Variants in HTR1F observed in about 807,000 individuals in gnomAD.
HTR1F encodes the protein 5-hydroxytryptamine receptor 1F.
In HTR1F, 17 loss-of-function variants were observed where a neutral mutation model predicts 24.0. That is an observed-to-expected ratio of 0.71 (90% CI 0.48 to 1.06). The LOEUF is 1.06. HTR1F is among the 50% of genes least tolerant of loss of function. HTR1F has a pLI of 0.00. For missense variants in HTR1F, 391 were observed against 427.8 expected, an observed-to-expected ratio of 0.91 and a Z score of 0.76; for synonymous variants, 186 against 156.8, an observed-to-expected ratio of 1.19 and a Z score of -1.39.
intron 2 of HTR1F, among the ~76,000 whole-genome samples, chr3:87,923,495 T>C (rs1336645409): frequency 6.6e-6 from 1 of 151,982 alleles, no homozygotes; most frequent in Non-Finnish European, 1.5e-5. Context: ...TTTTTGTAGC[T>C]ATTATAAATG....
rs1230495702 is a variant in HTR1F, at chr3:87,852,931, T to A, written c.-43+30807T>A. Among the ~76,000 whole-genome samples the A allele has an allele frequency of 2.6e-5, 4 of 151,436 alleles. No homozygotes were observed. The South Asian group carries it at 6.2e-4, about 24-fold the overall frequency. ...CCTTCAATAAAGTTTTATAGTTTTC[T>A]ATAATCTGACATGGTTTAACTAACA... On this transcript the variant is annotated intron_variant, in intron 2 of 2. Coordinates refer to ENST00000319595, the MANE Select transcript of HTR1F (RefSeq NM_001322209.2).
intron 2 of HTR1F, among the ~76,000 whole-genome samples, chr3:87,986,143 G>A (rs1455467008): frequency 6.6e-6 from 1 of 152,054 alleles, no homozygotes; most frequent in Non-Finnish European, 1.5e-5. Context: ...ACCCAGAGAT[G>A]GTCCCTAGCA....
At chr3:87,851,996 T>C (rs1418915458) in intron 2 of HTR1F, among the ~76,000 whole-genome samples, 1 of 151,116 alleles carries the variant, frequency 6.6e-6, no homozygotes, top group Non-Finnish European at 1.5e-5. Context: ...TGTACATTTC[T>C]ACCAGCAATA....
chr3:87,921,054 G>A (rs1465066569), intron 2 of HTR1F, among the ~76,000 whole-genome samples: 1 of 151,814 alleles, frequency 6.6e-6, no homozygotes, highest in East Asian at 1.9e-4. Flanking sequence ...ATATACATGA[G>A]TCAGTGTTTC....
intron 2 of HTR1F, among the ~76,000 whole-genome samples, chr3:87,835,809 G>T (rs1486957303): frequency 1.8e-4 from 27 of 152,112 alleles, no homozygotes; most frequent in Admixed American, 1.7e-3. Context: ...AGCCATTTTT[G>T]TTCTTTGTGA....
At position 87,992,130 on chromosome 3, in the gene HTR1F, T is replaced by C. The variant is rs9310060; in HGVS notation, c.*280T>C. The C allele has an allele frequency of 0.055, 10,939 of 200,674 alleles. 1,234 individuals carry two copies. Among genetic ancestry groups the C allele is most frequent in the African/African-American group, 0.23 (10,000 of 42,692 alleles). 12.4% of individuals were successfully genotyped at this position (200,674 alleles called of 1,614,324 possible). Reference sequence around the variant, plus strand: ...GCTAACTGGAAAAAATATATATATATACAATAGTAATGACAGTGATTTTCC... The same window carrying C: ...GCTAACTGGAAAAAATATATATATACACAATAGTAATGACAGTGATTTTCC... On this transcript the variant is annotated 3_prime_UTR_variant, in exon 3 of 3. Coordinates refer to ENST00000319595, the MANE Select transcript of HTR1F (RefSeq NM_001322209.2).
chr3:87,934,583 A>C (rs1325424107), intron 2 of HTR1F, among the ~76,000 whole-genome samples: 2 of 152,178 alleles, frequency 1.3e-5, no homozygotes, highest in Admixed American at 1.3e-4. Context: ...AACTATCTTC[A>C]GTGGGACTTT....
At chr3:87,862,282 A>G (rs1424189959) in intron 2 of HTR1F, among the ~76,000 whole-genome samples, 1 of 152,202 alleles carries the variant, frequency 6.6e-6, no homozygotes, top group Non-Finnish European at 1.5e-5. Flanking sequence ...ATAAGTTACC[A>G]ATCTCAAGCA....
Position 87,990,866 on chromosome 3 carries a change from T to C in HTR1F, c.117T>C (p.Thr39=), listed in dbSNP as rs1576129637. Residue 39 remains threonine (T), a synonymous_variant, in exon 3 of 3, where the codon ACT becomes ACC. Coordinates refer to ENST00000319595, the MANE Select transcript of HTR1F (RefSeq NM_001322209.2). ...CTGGGCTGGCACTGATGACAACAACTATCAACTCCCTTGTGATCGCTGCAA... is the reference window on the plus strand; with the variant it reads ...CTGGGCTGGCACTGATGACAACAACCATCAACTCCCTTGTGATCGCTGCAA... ...TLSGLALMTT[T]INSLVIAAII... The C allele has an allele frequency of 6.2e-7, 1 of 1,614,226 alleles. No individual in the cohort carries two copies. Among genetic ancestry groups the C allele is most frequent in the East Asian group, 2.2e-5 (1 of 44,884 alleles).
intron 2 of HTR1F, among the ~76,000 whole-genome samples, chr3:87,957,663 A>C (rs1704974144): frequency 6.6e-6 from 1 of 151,284 alleles, no homozygotes; most frequent in Non-Finnish European, 1.5e-5. Flanking sequence ...TGTCCATTTA[A>C]TCTAAGTTGC....
At chr3:87,953,500 C>A (rs1346232912) in intron 2 of HTR1F, among the ~76,000 whole-genome samples, 10 of 150,016 alleles carry the variant, frequency 6.7e-5, no homozygotes, top group Admixed American at 2.0e-4. Context: ...ATCATCTAAC[C>A]CCAGTTAGAA....
chr3:87,958,307 T>TTTTTG (rs1168085258), intron 2 of HTR1F, among the ~76,000 whole-genome samples: 2 of 151,552 alleles, frequency 1.3e-5, no homozygotes, highest in Non-Finnish European at 3.0e-5. Context: ...TTTGTTTTTG[T>TTTTTG]TTTTGTTTTG....
At position 87,958,306 on chromosome 3, in the gene HTR1F, G is replaced by A. The variant is rs561542170; in HGVS notation, c.-42-32402G>A. Among the ~76,000 whole-genome samples the A allele has an allele frequency of 2.6e-5, 4 of 151,286 alleles. No homozygotes were observed. In the South Asian group the frequency reaches 6.3e-4, roughly 24 times the overall value. On this transcript the variant is annotated intron_variant, in intron 2 of 2. Transcript: ENST00000319595. Reference sequence around the variant, plus strand: ...GTTTGGGTGGTTGTTTTTTGTTTTTGTTTTTGTTTTGTTTTGTTTTATTTT... The same window carrying A: ...GTTTGGGTGGTTGTTTTTTGTTTTTATTTTTGTTTTGTTTTGTTTTATTTT...
At chr3:87,977,567 T>C (rs1251524039) in intron 2 of HTR1F, among the ~76,000 whole-genome samples, 1 of 149,794 alleles carries the variant, frequency 6.7e-6, no homozygotes, top group Non-Finnish European at 1.5e-5. Flanking sequence ...CCCAGCTAAT[T>C]TTTTTCTTTT....
intron 2 of HTR1F, among the ~76,000 whole-genome samples, chr3:87,902,022 C>G (rs1203977450): frequency 3.3e-5 from 5 of 151,992 alleles, no homozygotes; most frequent in Middle Eastern, 6.8e-3. Flanking sequence ...TAGTTAGCCT[C>G]AATATTATAA....
At chr3:87,912,771 G>A (rs763410015) in intron 2 of HTR1F, among the ~76,000 whole-genome samples, 31 of 151,792 alleles carry the variant, frequency 2.0e-4, no homozygotes, top group African/African-American at 7.0e-4. Flanking sequence ...GTGGAGAGCC[G>A]AGAAATAAGG....
At chr3:87,865,334 T>A (rs1358240714) in intron 2 of HTR1F, among the ~76,000 whole-genome samples, 1 of 152,142 alleles carries the variant, frequency 6.6e-6, no homozygotes, top group Admixed American at 6.6e-5. Flanking sequence ...AATATATTAT[T>A]AAAAATGCAC....
chr3:87,832,316 C>CT (rs60414125), intron 2 of HTR1F, among the ~76,000 whole-genome samples: 4,891 of 125,474 alleles, frequency 0.039, 142 homozygotes, highest in Non-Finnish European at 0.057. Context: ...AATATCCCTT[C>CT]TTTTTTTTTT....
At chr3:87,922,239 T>C (rs149818812) in intron 2 of HTR1F, among the ~76,000 whole-genome samples, 1 of 152,022 alleles carries the variant, frequency 6.6e-6, no homozygotes, top group Admixed American at 6.6e-5. Context: ...TGAAATGATA[T>C]GTCATTTTGG....
Sources: allele counts gnomAD v4.1 joint callset (sites outside exome capture counted in the v4.1 genomes callset), GRCh38; gene constraint gnomAD v4.1.1; transcripts MANE v1.5; gene names NCBI Gene and HGNC (gene_info 2026-07-23, HGNC 2026-07-21).